Variants in NRXN3 observed in about 807,000 individuals in gnomAD.
The protein encoded by NRXN3 is neurexin 3, also known as neurexin III.
Under a neutral mutation model 137.6 loss-of-function variants are expected in NRXN3, and 32 were observed. The observed-to-expected ratio is 0.23, with a 90% confidence interval of 0.18 to 0.31. The LOEUF (loss-of-function observed/expected upper bound fraction) is 0.31, where lower values mean the gene tolerates loss of function less well. NRXN3 is among the 10% of genes least tolerant of loss of function. The probability of loss-of-function intolerance (pLI) is 1.00; values close to 1 mark genes in which losing one functional copy is unlikely to be tolerated. For missense variants in NRXN3, 1,574 were observed against 2,062.5 expected (o/e 0.76, Z 4.59); for synonymous variants, 798 against 784.5 (o/e 1.02, Z -0.29).
At chr14:79,367,039 A>C (rs113194339) in intron 15 of NRXN3, among the ~76,000 whole-genome samples, 3 of 134,578 alleles carry the variant, frequency 2.2e-5, no homozygotes, top group Non-Finnish European at 4.6e-5. Flanking sequence ...GCTGGAGTGC[A>C]GTGGCGCATT....
intron 15 of NRXN3, among the ~76,000 whole-genome samples, chr14:79,445,272 A>G (rs4492980): frequency 0.7 from 106,041 of 151,072 alleles, 38,124 homozygotes; most frequent in African/African-American, 0.86. Flanking sequence ...CCCGGGAGTC[A>G]GAGGTTGCAG....
chr14:79,333,278 C>G (rs2153334876), intron 15 of NRXN3, among the ~76,000 whole-genome samples: 1 of 152,040 alleles, frequency 6.6e-6, no homozygotes, highest in East Asian at 1.9e-4. Flanking sequence ...CAGCCTGATT[C>G]CTCTCCACCT....
At chr14:78,234,372 A>G (rs978118806) in intron 1 of NRXN3, among the ~76,000 whole-genome samples, 2 of 152,206 alleles carry the variant, frequency 1.3e-5, no homozygotes, top group Non-Finnish European at 2.9e-5. Context: ...GCATTGTCCT[A>G]AGGGCTTTCA....
At chr14:79,058,750 G>A (rs941836444) in intron 15 of NRXN3, among the ~76,000 whole-genome samples, 3 of 151,948 alleles carry the variant, frequency 2.0e-5, no homozygotes, top group Admixed American at 6.5e-5. Context: ...AGGGAGGGAG[G>A]TGATCGGATC....
chr14:79,241,380 C>T (rs567001567), intron 15 of NRXN3, among the ~76,000 whole-genome samples: 9 of 152,260 alleles, frequency 5.9e-5, no homozygotes, highest in Non-Finnish European at 1.2e-4. Context: ...GTCCAGTGGA[C>T]TCACAGTTCC....
chr14:78,968,294 C>A lies in NRXN3; in HGVS notation c.3090C>A (p.Asp1030Glu). ...ASVDLNGRLP[D>E]LINDALHRSG... Reference sequence around the variant, plus strand: ...TGGACTTGAATGGACGCCTGCCAGACCTCATCAATGATGCTCTTCATCGGA... The same window carrying A: ...TGGACTTGAATGGACGCCTGCCAGAACTCATCAATGATGCTCTTCATCGGA... The change falls in exon 14 of 21, where the codon GAC becomes GAA. Residue 1030 changes from aspartate (D) to glutamate (E), a missense_variant. Asp to Glu is a conservative substitution (Grantham distance 45). Around this residue, in one of 5 missense-constraint regions of NRXN3, gnomAD observed 718 missense variants for 887.6 expected, o/e 0.81. Transcript: ENST00000335750. 6.2e-7 allele frequency: 1 copy of A among 1,614,120 alleles called. No individual in the cohort carries two copies. The highest frequency in any genetic ancestry group is 1.7e-5 in the Admixed American group (1 of 60,026).
chr14:79,641,297 C>T lies in NRXN3; in HGVS notation c.3445-22481C>T, dbSNP rs111891575. ...TGCTGGGATTACAGGCATGAGCCAC[C>T]GCGCTCGGCCTCTTCTTTACTATAG... is the stretch of plus-strand genomic sequence containing the variant. On this transcript the variant is annotated intron_variant, in intron 16 of 20. Coordinates refer to ENST00000335750, the MANE Select transcript of NRXN3 (RefSeq NM_001330195.2). Among the ~76,000 whole-genome samples the T allele has an allele frequency of 1.8e-4, 25 of 135,492 alleles. 5 individuals carry two copies. The highest frequency in any genetic ancestry group is 7.0e-4 in the South Asian group (3 of 4,298). The allele number at this position is 135,492 out of a possible 152,430, so 88.9% of individuals were successfully genotyped here. A position where few individuals can be genotyped will look rare whatever the true frequency, so the allele number is the denominator to read the frequency against.
chr14:79,127,472 A>T (rs375080605), intron 15 of NRXN3, among the ~76,000 whole-genome samples: 1 of 152,076 alleles, frequency 6.6e-6, no homozygotes, highest in Non-Finnish European at 1.5e-5. Context: ...GTTTGTCAAA[A>T]ATCAGATAGT....
At position 78,365,261 on chromosome 14, in the gene NRXN3, G is replaced by A. The variant is rs2153610854; in HGVS notation, c.757+67401G>A. 1.3e-5 allele frequency among the ~76,000 whole-genome samples: 2 copies of A among 152,164 alleles called. 1 individual carries two copies. Among genetic ancestry groups the A allele is most frequent in the South Asian group, 4.1e-4 (2 of 4,820 alleles). ...CAAACAATTTTTAACTGATGTGGAT[G>A]TGCATTAGTTGGGGAAGACCAATTG... On this transcript the variant is annotated intron_variant, in intron 4 of 20. Transcript: ENST00000335750.
chr14:78,710,022 C>A, intron 7 of NRXN3: 1 of 223,184 alleles, frequency 4.5e-6, no homozygotes, highest in Non-Finnish European at 8.9e-6. Context: ...CCATGGAAAC[C>A]GATTGTGACA....
intron 8 of NRXN3, among the ~76,000 whole-genome samples, chr14:78,756,668 A>G (rs559373478): frequency 3.3e-5 from 5 of 151,240 alleles, no homozygotes; most frequent in South Asian, 4.2e-4. Context: ...CTTTGTTTAA[A>G]AAACAAAAAA....
At chr14:79,617,377 G>A (rs1020671428) in intron 16 of NRXN3, among the ~76,000 whole-genome samples, 3 of 150,952 alleles carry the variant, frequency 2.0e-5, no homozygotes, top group Non-Finnish European at 4.5e-5. Context: ...GAAATATGCA[G>A]TAGGATCAAT....
At chr14:79,484,639 A>G (rs1225294604) in intron 16 of NRXN3, among the ~76,000 whole-genome samples, 2 of 152,034 alleles carry the variant, frequency 1.3e-5, no homozygotes, top group Non-Finnish European at 1.5e-5. Flanking sequence ...ACCCCTGGAG[A>G]CATTTGATTT....
intron 15 of NRXN3, among the ~76,000 whole-genome samples, chr14:79,357,220 C>T (rs981295187): frequency 6.6e-6 from 1 of 152,118 alleles, no homozygotes; most frequent in Non-Finnish European, 1.5e-5. Context: ...ACCATGTGAT[C>T]TATGCCCTCC....
intron 8 of NRXN3, among the ~76,000 whole-genome samples, chr14:78,745,548 A>C (rs1384523277): frequency 6.6e-6 from 1 of 151,950 alleles, no homozygotes; most frequent in African/African-American, 2.4e-5. Flanking sequence ...ATTTATAGCT[A>C]TTTTCTCACA....
chr14:78,801,979 C>G (rs1225308459), intron 8 of NRXN3, among the ~76,000 whole-genome samples: 1 of 152,184 alleles, frequency 6.6e-6, no homozygotes, highest in Non-Finnish European at 1.5e-5. Flanking sequence ...GGGACCTTGT[C>G]TGTTTCACCT....
chr14:79,610,534 T>C (rs2098086138), intron 16 of NRXN3, among the ~76,000 whole-genome samples: 1 of 152,216 alleles, frequency 6.6e-6, no homozygotes. Context: ...CTACTAAACC[T>C]GTGTCACTTT....
At chr14:78,535,693 C>G (rs2096528970) in intron 4 of NRXN3, among the ~76,000 whole-genome samples, 1 of 152,164 alleles carries the variant, frequency 6.6e-6, no homozygotes, top group African/African-American at 2.4e-5. Context: ...ACACTTAAAT[C>G]CTGTATTCGT....
chr14:78,873,696 T>C (rs1288096264), intron 10 of NRXN3, among the ~76,000 whole-genome samples: 1 of 152,182 alleles, frequency 6.6e-6, no homozygotes, highest in African/African-American at 2.4e-5. Context: ...GTTCGTATGA[T>C]GTACAGAAGT....
Sources: allele counts gnomAD v4.1 joint callset (sites outside exome capture counted in the v4.1 genomes callset), GRCh38; gene constraint gnomAD v4.1.1; regional missense constraint gnomAD v4.1.1; transcripts MANE v1.5; gene names NCBI Gene and HGNC (gene_info 2026-07-23, HGNC 2026-07-21).